The following SYN3 variants were observed in gnomAD, a reference collection of about 807,000 sequenced individuals.
SYN3 encodes synapsin III.
In SYN3, 35 loss-of-function variants were observed where a neutral mutation model predicts 65.8. The observed-to-expected ratio is 0.53, with a 90% CI of 0.41 to 0.70. The LOEUF (loss-of-function observed/expected upper bound fraction) is 0.70, where lower values mean the gene tolerates loss of function less well. Among genes scored for constraint, SYN3 ranks in the 30% least tolerant of loss-of-function variants. The pLI, the probability that SYN3 is intolerant of heterozygous loss-of-function variation, is 0.00. For synonymous variants in SYN3, 270 were observed against 292.9 expected, an observed-to-expected ratio of 0.92 and a Z score of 0.80; for missense variants, 680 against 749.0, an observed-to-expected ratio of 0.91 and a Z score of 1.08.
At chr22:33,035,304 T>C (rs1450142764) in intron 1 of SYN3, among the ~76,000 whole-genome samples, 1 of 113,978 alleles carries the variant, frequency 8.8e-6, no homozygotes, top group African/African-American at 3.0e-5. Context: ...CAGTTGTAGG[T>C]GGAAAGAAAA....
intron 6 of SYN3, among the ~76,000 whole-genome samples, chr22:32,685,522 T>C (rs1373529167): frequency 1.3e-5 from 2 of 152,216 alleles, no homozygotes; most frequent in Non-Finnish European, 2.9e-5. Flanking sequence ...GTACCTTTTC[T>C]ATGTTTAGAT....
At chr22:32,973,825 T>C (rs368471636) in intron 3 of SYN3, among the ~76,000 whole-genome samples, 1 of 152,166 alleles carries the variant, frequency 6.6e-6, no homozygotes, top group East Asian at 1.9e-4. Context: ...CAGACAGAGT[T>C]TTGCTCTTGT....
At chr22:32,590,286 A>G (rs982808417) in intron 7 of SYN3, among the ~76,000 whole-genome samples, 1 of 152,232 alleles carries the variant, frequency 6.6e-6, no homozygotes, top group Non-Finnish European at 1.5e-5. Context: ...TTTTATATAA[A>G]TGGAACTATA....
chr22:32,734,898 C>T (rs527871628), intron 6 of SYN3, among the ~76,000 whole-genome samples: 4 of 152,282 alleles, frequency 2.6e-5, no homozygotes, highest in South Asian at 2.1e-4. Context: ...ATACAGTCTT[C>T]GGCATCCATT....
intron 7 of SYN3, among the ~76,000 whole-genome samples, chr22:32,549,354 A>G (rs1402727460): frequency 6.6e-6 from 1 of 152,088 alleles, no homozygotes. Context: ...CCTGGGCTCA[A>G]GCAATCCTCC....
chr22:32,869,002 G>C lies in SYN3; in HGVS notation c.585C>G (p.Leu195=), dbSNP rs1389335082. 3 of 1,614,098 alleles carry C rather than the reference G, an allele frequency of 1.9e-6. No individual in the cohort carries two copies. The highest frequency in any genetic ancestry group is 2.7e-5 in the African/African-American group (2 of 75,040). Residue 195 remains leucine, a synonymous_variant, in exon 5 of 14, where the codon CTC becomes CTG. Coordinates refer to ENST00000358763, the MANE Select transcript of SYN3 (RefSeq NM_003490.4). The part of the protein sequence containing the change: ...QYGGLPAVNS[L]YSVYNFCSKP... Reference sequence around the variant, plus strand: ...TGCTGCAGAAGTTGTAGACGGAGTAGAGAGAGTTGACAGCAGGCAGCCCTC... The same window carrying C: ...TGCTGCAGAAGTTGTAGACGGAGTACAGAGAGTTGACAGCAGGCAGCCCTC...
intron 4 of SYN3, among the ~76,000 whole-genome samples, chr22:32,908,015 T>C (rs1254710328): frequency 2.0e-5 from 3 of 152,164 alleles, no homozygotes; most frequent in Admixed American, 2.0e-4. Flanking sequence ...ATTTGTCCAA[T>C]GTCAATGCAG....
At chr22:32,647,280 A>G (rs1357022371) in intron 6 of SYN3, among the ~76,000 whole-genome samples, 1 of 152,014 alleles carries the variant, frequency 6.6e-6, no homozygotes, top group Non-Finnish European at 1.5e-5. Context: ...CTCGGAGCCT[A>G]CTGTGGGCTC....
chr22:33,015,241 A>T (rs2053443042), intron 1 of SYN3: 2 of 446,054 alleles, frequency 4.5e-6, no homozygotes, highest in Non-Finnish European at 7.1e-6. Flanking sequence ...AAAAAAAAAA[A>T]ACTACTGTAT....
chr22:32,681,375 C>T (rs1207436091), intron 6 of SYN3, among the ~76,000 whole-genome samples: 2 of 152,202 alleles, frequency 1.3e-5, no homozygotes, highest in Non-Finnish European at 2.9e-5. Context: ...CAACCAGGGG[C>T]CATTTTGGCC....
intron 7 of SYN3, among the ~76,000 whole-genome samples, chr22:32,580,776 G>A (rs5998547): frequency 0.025 from 3,758 of 152,292 alleles, 148 homozygotes; most frequent in African/African-American, 0.084. Flanking sequence ...TGACTGAGTA[G>A]CTTCAGCAGA....
intron 6 of SYN3, among the ~76,000 whole-genome samples, chr22:32,686,508 C>T (rs2060590606): frequency 6.6e-6 from 1 of 151,718 alleles, no homozygotes; most frequent in Non-Finnish European, 1.5e-5. Context: ...TCCCAAGTCA[C>T]CCATTTGAAA....
intron 6 of SYN3, among the ~76,000 whole-genome samples, chr22:32,832,040 A>G (rs1324794671): frequency 2.0e-5 from 3 of 152,112 alleles, no homozygotes; most frequent in Admixed American, 1.3e-4. Context: ...TCTCAGTTTG[A>G]ATGTGCAGCT....
At chr22:32,680,082 C>A (rs376887408) in intron 6 of SYN3, among the ~76,000 whole-genome samples, 207 of 152,134 alleles carry the variant, frequency 1.4e-3, no homozygotes, top group African/African-American at 4.6e-3. Flanking sequence ...AATAGAGGTT[C>A]AGGTAATATT....
chr22:32,939,709 A>T (rs1269468356), intron 3 of SYN3, among the ~76,000 whole-genome samples: 3 of 152,178 alleles, frequency 2.0e-5, no homozygotes, highest in Admixed American at 6.5e-5. Flanking sequence ...ATTTCTGTGT[A>T]GTATTTCATT....
rs570408339 is a variant in SYN3 at position 32,801,692 on chromosome 22, C to G, written c.711+63223G>C. 2.0e-3 allele frequency: 361 copies of G among 180,760 alleles called. 2 individuals are homozygous for G. The highest frequency in any genetic ancestry group is 8.2e-3 in the African/African-American group (348 of 42,418). The allele number at this position is 180,760 out of a possible 1,614,324, so 11.2% of individuals were successfully genotyped here. A position where few individuals can be genotyped will look rare whatever the true frequency, so the allele number is the denominator to read the frequency against. On this transcript the variant is annotated intron_variant, in intron 6 of 13. Coordinates refer to ENST00000358763, the MANE Select transcript of SYN3 (RefSeq NM_003490.4). This position sits in a 1 kb window ranked among gnomAD's most constrained non-coding sequence, Gnocchi z 4.7. The stretch of plus-strand genomic sequence containing the variant: ...CCCAGCGCTATATCACTCGGCCGCC[C>G]AGGCAGCGGCGCAGAGCGGGCAGCA...
At chr22:32,736,173 T>G (rs1001996632) in intron 6 of SYN3, among the ~76,000 whole-genome samples, 2 of 152,262 alleles carry the variant, frequency 1.3e-5, no homozygotes, top group Non-Finnish European at 1.5e-5. Context: ...ACTAATGGAC[T>G]AATGGATACA....
chr22:33,041,531 C>T (rs2053965025), intron 1 of SYN3, among the ~76,000 whole-genome samples: 1 of 152,038 alleles, frequency 6.6e-6, no homozygotes, highest in Non-Finnish European at 1.5e-5. Flanking sequence ...ATCTCCTCAC[C>T]TTGTGATCCG....
rs150486243 is a variant in SYN3 at position 32,941,525 on chromosome 22, C to T, written c.370-10044G>A. On this transcript the variant is annotated intron_variant, in intron 3 of 13. Coordinates refer to ENST00000358763, the MANE Select transcript of SYN3 (RefSeq NM_003490.4). ...AGTCTACAGCTCCCAGCATGAACAACGCAGAAGATGGGTGATTTCTGCATT... is the reference window on the plus strand; with the variant it reads ...AGTCTACAGCTCCCAGCATGAACAATGCAGAAGATGGGTGATTTCTGCATT... Among the ~76,000 whole-genome samples the T allele has an allele frequency of 2.9e-3, 440 of 150,738 alleles. 2 individuals carry two copies. The highest frequency in any genetic ancestry group is 0.01 in the African/African-American group (424 of 41,394).
Sources: allele counts gnomAD v4.1 joint callset (sites outside exome capture counted in the v4.1 genomes callset), GRCh38; gene constraint gnomAD v4.1.1; non-coding constraint Gnocchi (gnomAD v3.1); transcripts MANE v1.5; gene names NCBI Gene and HGNC (gene_info 2026-07-23, HGNC 2026-07-21).